The following MAP3K7CL variants were observed in gnomAD, a reference collection of about 807,000 sequenced individuals.
MAP3K7CL encodes MAP3K7 C-terminal like.
Under a neutral mutation model 18.6 loss-of-function variants are expected in MAP3K7CL, and 16 were observed. The observed-to-expected ratio is 0.86, with a 90% CI of 0.58 to 1.31. The LOEUF (loss-of-function observed/expected upper bound fraction) is 1.31. MAP3K7CL is among the 50% of genes most tolerant of loss of function. The pLI is 0.00. For synonymous variants in MAP3K7CL, 65 were observed against 66.8 expected, an observed-to-expected ratio of 0.97 and a Z score of 0.13; for missense variants, 163 against 174.4, an observed-to-expected ratio of 0.93 and a Z score of 0.37.
At chr21:29,107,919 A>C (rs1046086211) in intron 4 of MAP3K7CL, among the ~76,000 whole-genome samples, 2 of 152,196 alleles carry the variant, frequency 1.3e-5, no homozygotes, top group African/African-American at 4.8e-5. Flanking sequence ...TCTTGCTGTT[A>C]TCTCTCTTTT....
chr21:29,147,136 T>A (rs12627426), intron 2 of MAP3K7CL, among the ~76,000 whole-genome samples: 34,279 of 152,068 alleles, frequency 0.23, 4,850 homozygotes, highest in African/African-American at 0.39. Flanking sequence ...TTTTAAATTA[T>A]TTTTTCACCT....
chr21:29,100,714 T>G (rs2146529021), intron 4 of MAP3K7CL, among the ~76,000 whole-genome samples: 1 of 136,856 alleles, frequency 7.3e-6, no homozygotes, highest in South Asian at 2.6e-4. Flanking sequence ...TTTTTTTTTT[T>G]TTTTTTTTTT....
At chr21:29,149,813 C>A (rs951033336) in intron 3 of MAP3K7CL, among the ~76,000 whole-genome samples, 3 of 152,152 alleles carry the variant, frequency 2.0e-5, no homozygotes, top group Admixed American at 2.0e-4. Context: ...TTTTAATACA[C>A]CAGAATTATT....
intron 4 of MAP3K7CL, among the ~76,000 whole-genome samples, chr21:29,104,601 G>A (rs2086288736): frequency 6.6e-6 from 1 of 152,206 alleles, no homozygotes; most frequent in South Asian, 2.1e-4. Context: ...GATTAGAAAA[G>A]TCCTCCATAG....
chr21:29,086,026 C>A, intron 1 of MAP3K7CL: 2 of 1,232,808 alleles, frequency 1.6e-6, no homozygotes, highest in Non-Finnish European at 2.4e-6. Flanking sequence ...AGAAATGGAC[C>A]TTGGAAGTCT....
chr21:29,106,525 G>A (rs1325034338), intron 4 of MAP3K7CL, among the ~76,000 whole-genome samples: 4 of 152,140 alleles, frequency 2.6e-5, no homozygotes, highest in Non-Finnish European at 5.9e-5. Flanking sequence ...GCTGAGCTGG[G>A]TTTTATCCCC....
intron 4 of MAP3K7CL, among the ~76,000 whole-genome samples, chr21:29,165,069 TAAAATAAA>T (rs1277422930): frequency 3.3e-5 from 5 of 152,004 alleles, no homozygotes; most frequent in Admixed American, 1.3e-4. Flanking sequence ...TTAGAAAAAA[TAAAATAAA>T]AAAATGAAAT....
intron 4 of MAP3K7CL, among the ~76,000 whole-genome samples, chr21:29,104,136 T>C (rs2086279832): frequency 6.6e-6 from 1 of 152,164 alleles, no homozygotes; most frequent in Non-Finnish European, 1.5e-5. Flanking sequence ...GTTTGTTTGG[T>C]TTTTTGCAAA....
intron 4 of MAP3K7CL, chr21:29,109,280 A>G: frequency 1.3e-6 from 2 of 1,510,132 alleles, no homozygotes; most frequent in South Asian, 2.5e-5. Context: ...TGTGTGTGTA[A>G]TGCTTATTTT....
chr21:29,167,942 G>A (rs911688776), intron 4 of MAP3K7CL, among the ~76,000 whole-genome samples: 3 of 151,700 alleles, frequency 2.0e-5, no homozygotes, highest in Admixed American at 6.6e-5. Flanking sequence ...CTCGTGGTCC[G>A]CCCACCTGGC....
chr21:29,096,382 C>CAAT (rs1206435969), intron 4 of MAP3K7CL, among the ~76,000 whole-genome samples: 2 of 151,954 alleles, frequency 1.3e-5, no homozygotes, highest in African/African-American at 2.4e-5. Context: ...ATCAAAGAGG[C>CAAT]AATAATAATA....
intron 2 of MAP3K7CL, among the ~76,000 whole-genome samples, chr21:29,148,152 G>A (rs2087184849): frequency 6.6e-6 from 1 of 151,546 alleles, no homozygotes; most frequent in Non-Finnish European, 1.5e-5. Context: ...TACTGTATAT[G>A]TATCTGTACT....
chr21:29,090,381 T>A (rs956288052), intron 1 of MAP3K7CL, among the ~76,000 whole-genome samples: 3 of 151,954 alleles, frequency 2.0e-5, no homozygotes, highest in African/African-American at 7.3e-5. Flanking sequence ...CTTTGTTTTG[T>A]TTTGTTGTTT....
At chr21:29,170,713 C>T (rs1468127724) in intron 4 of MAP3K7CL, among the ~76,000 whole-genome samples, 4 of 151,580 alleles carry the variant, frequency 2.6e-5, no homozygotes, top group African/African-American at 9.7e-5. Flanking sequence ...GATCTCGGCT[C>T]ACTGCAGCTC....
chr21:29,109,048 T>A, intron 4 of MAP3K7CL: 1 of 1,533,462 alleles, frequency 6.5e-7, no homozygotes, highest in Non-Finnish European at 8.7e-7. Context: ...AGGTTGACAT[T>A]CGTAACCTTC....
chr21:29,091,865 A>G, intron 3 of MAP3K7CL: 1 of 612,224 alleles, frequency 1.6e-6, no homozygotes, highest in Non-Finnish European at 2.9e-6. Flanking sequence ...AATTGTTTAT[A>G]CATATAATTC....
At chr21:29,165,752 A>G (rs2087671248) in intron 4 of MAP3K7CL, among the ~76,000 whole-genome samples, 1 of 152,064 alleles carries the variant, frequency 6.6e-6, no homozygotes, top group Non-Finnish European at 1.5e-5. Flanking sequence ...TTATATTTTT[A>G]GTAGAGTCAG....
chr21:29,143,913 A>G (rs1358562506), intron 2 of MAP3K7CL, among the ~76,000 whole-genome samples: 1 of 152,152 alleles, frequency 6.6e-6, no homozygotes, highest in Non-Finnish European at 1.5e-5. Context: ...TAAAGAAAGA[A>G]AGAAGGGTAC....
chr21:29,092,398 T>A, intron 3 of MAP3K7CL: 1 of 1,610,634 alleles, frequency 6.2e-7, no homozygotes, highest in South Asian at 1.1e-5. Flanking sequence ...CGGGGTCATT[T>A]GTCTCATCAT....
Sources: allele counts gnomAD v4.1 joint callset (sites outside exome capture counted in the v4.1 genomes callset), GRCh38; gene constraint gnomAD v4.1.1; transcripts MANE v1.5; gene names NCBI Gene and HGNC (gene_info 2026-07-23, HGNC 2026-07-21).